Variants in PLCL1 observed in about 807,000 individuals in gnomAD.
The protein encoded by PLCL1 is phospholipase C like 1 (inactive).
In PLCL1, 41 loss-of-function variants were observed where a neutral mutation model predicts 84.4. The observed-to-expected ratio is 0.49, with a 90% confidence interval of 0.38 to 0.63. The LOEUF (loss-of-function observed/expected upper bound fraction) is 0.63. Ranked by LOEUF, PLCL1 falls within the 30% of genes least tolerant of loss-of-function variation. The probability of loss-of-function intolerance (pLI) is 0.00; values close to 1 mark genes in which losing one functional copy is unlikely to be tolerated. For synonymous variants in PLCL1, 490 were observed against 488.3 expected (o/e 1.00, Z -0.05); for missense variants, 1,206 against 1,367.8 (o/e 0.88, Z 1.87).
Position 198,132,838 on chromosome 2 carries a change from C to T in PLCL1, c.3106-13942C>T, listed in dbSNP as rs375034306. ...GCAGAAGCTCTTTAGTTTAATTAGA[C>T]CCCATTTGTCAATTTTGGCTTTTGT... On this transcript the variant is annotated intron_variant, in intron 5 of 5. Coordinates refer to ENST00000428675, the MANE Select transcript of PLCL1 (RefSeq NM_006226.4). Among the ~76,000 whole-genome samples, 357 of 151,872 alleles carry T rather than the reference C, an allele frequency of 2.4e-3. 6 individuals carry two copies. The South Asian group carries it at 0.044, about 19-fold the overall frequency.
At chr2:198,014,554 T>TC (rs1690946915) in intron 1 of PLCL1, among the ~76,000 whole-genome samples, 1 of 152,118 alleles carries the variant, frequency 6.6e-6, no homozygotes, top group Non-Finnish European at 1.5e-5. Context: ...ACCTTTTTTT[T>TC]CTTGTTAATT....
At chr2:197,934,561 G>A (rs1207354351) in intron 1 of PLCL1, among the ~76,000 whole-genome samples, 1 of 152,086 alleles carries the variant, frequency 6.6e-6, no homozygotes, top group Non-Finnish European at 1.5e-5. Flanking sequence ...TGAGGTATTT[G>A]CAGATAAGAG....
chr2:198,039,928 A>T (rs2105858003), intron 1 of PLCL1, among the ~76,000 whole-genome samples: 1 of 152,312 alleles, frequency 6.6e-6, no homozygotes, highest in Admixed American at 6.5e-5. Context: ...AGAACATGTT[A>T]TTTGCTAGAA....
chr2:197,962,475 G>A (rs1263112237), intron 1 of PLCL1, among the ~76,000 whole-genome samples: 7 of 152,056 alleles, frequency 4.6e-5, no homozygotes, highest in Admixed American at 3.9e-4. Flanking sequence ...TGGGTACACA[G>A]TAGGTATATA....
At chr2:198,010,677 G>A (rs1287016118) in intron 1 of PLCL1, among the ~76,000 whole-genome samples, 6 of 151,804 alleles carry the variant, frequency 4.0e-5, no homozygotes, top group African/African-American at 1.2e-4. Flanking sequence ...AATGAGTTTG[G>A]AATTGTTCTC....
At position 198,083,743 on chromosome 2, in the gene PLCL1, C is replaced by G. The variant is rs1315315948; in HGVS notation, c.241-15C>G. 1.3e-6 allele frequency: 2 copies of G among 1,528,140 alleles called. No homozygotes were observed. Among genetic ancestry groups the G allele is most frequent in the Non-Finnish European group, 1.8e-6 (2 of 1,134,740 alleles). 94.7% of individuals were successfully genotyped at this position (1,528,140 alleles called of 1,614,324 possible). On this transcript the variant is annotated splice_polypyrimidine_tract_variant and intron_variant, in intron 1 of 5. Transcript: ENST00000428675. ...CTAAAGGAAATTGATTCATTTTTTT[C>G]AAATTATTTTACAGGATCCTTCAAA...
intron 5 of PLCL1, among the ~76,000 whole-genome samples, chr2:198,138,168 G>T (rs1694302265): frequency 1.3e-5 from 2 of 152,090 alleles, no homozygotes; most frequent in African/African-American, 2.4e-5. Flanking sequence ...AAGAAAAGAG[G>T]TTTTTTTGTT....
At chr2:197,976,255 A>G (rs1047836407) in intron 1 of PLCL1, among the ~76,000 whole-genome samples, 2 of 151,984 alleles carry the variant, frequency 1.3e-5, no homozygotes, top group Non-Finnish European at 2.9e-5. Context: ...CCTGTGTACC[A>G]CACTTCTTCC....
At chr2:198,039,318 A>T (rs1031848464) in intron 1 of PLCL1, among the ~76,000 whole-genome samples, 8 of 152,152 alleles carry the variant, frequency 5.3e-5, no homozygotes, top group Non-Finnish European at 1.0e-4. Flanking sequence ...AGCAGCATGG[A>T]TTATACATTT....
chr2:198,114,795 A>ATGTGTGTGTGTG (rs397715153), intron 5 of PLCL1, among the ~76,000 whole-genome samples: 11 of 150,616 alleles, frequency 7.3e-5, no homozygotes, highest in East Asian at 3.9e-4. Context: ...ACTTCTCTGA[A>ATGTGTGTGTGTG]TGTGTGTGTG....
chr2:198,092,251 C>T (rs1277647155), intron 3 of PLCL1, among the ~76,000 whole-genome samples: 1 of 151,566 alleles, frequency 6.6e-6, no homozygotes, highest in Non-Finnish European at 1.5e-5. Flanking sequence ...ACCTGCCTCT[C>T]CAGCTTCACC....
At chr2:197,851,343 T>A (rs1687232314) in intron 1 of PLCL1, among the ~76,000 whole-genome samples, 1 of 152,228 alleles carries the variant, frequency 6.6e-6, no homozygotes, top group Non-Finnish European at 1.5e-5. Context: ...AAACAGTCAG[T>A]ACAGATGCAT....
At chr2:198,135,687 G>A (rs1162054798) in intron 5 of PLCL1, among the ~76,000 whole-genome samples, 1 of 152,180 alleles carries the variant, frequency 6.6e-6, no homozygotes, top group African/African-American at 2.4e-5. Context: ...TTTGCCCAAA[G>A]CAGACAGATG....
At chr2:197,814,482 C>T (rs1253275075) in intron 1 of PLCL1, among the ~76,000 whole-genome samples, 3 of 152,174 alleles carry the variant, frequency 2.0e-5, no homozygotes, top group Non-Finnish European at 4.4e-5. Context: ...GTCTTTCCCT[C>T]TCCTTGGGCC....
In PLCL1 at chr2:197,805,475, C is replaced by T. The variant is rs189460339; in HGVS notation, c.240+136C>T. On this transcript the variant is annotated intron_variant, in intron 1 of 5. Coordinates refer to ENST00000428675, the MANE Select transcript of PLCL1 (RefSeq NM_006226.4). This position sits in a 1 kb window ranked among gnomAD's most constrained non-coding sequence, Gnocchi z 4.0. ...CCACCTCCTTCAACGCCAAACCTTC[C>T]TTCCTTATCCGGAGGTTCCCAGACT... 733 of 839,804 alleles carry T rather than the reference C, an allele frequency of 8.7e-4. 4 individuals carry two copies. In the African/African-American group the frequency reaches 0.011, roughly 13 times the overall value. The allele number at this position is 839,804 out of a possible 1,614,324, so 52.0% of individuals were successfully genotyped here.
chr2:197,928,296 C>T (rs1031068329), intron 1 of PLCL1, among the ~76,000 whole-genome samples: 25 of 152,140 alleles, frequency 1.6e-4, no homozygotes, highest in Non-Finnish European at 2.1e-4. Flanking sequence ...CTCCTTGACT[C>T]TGTACTCAGT....
At chr2:198,117,056 CA>C (rs1693763276) in intron 5 of PLCL1, among the ~76,000 whole-genome samples, 1 of 151,878 alleles carries the variant, frequency 6.6e-6, no homozygotes, top group African/African-American at 2.4e-5. Context: ...AGCTACTCAG[CA>C]GCTGGCCTTA....
In PLCL1 at chr2:197,910,232, CTCT is replaced by C. The variant is rs1433808339; in HGVS notation, c.240+104898_240+104900del. 2.0e-5 allele frequency among the ~76,000 whole-genome samples: 3 copies of C among 152,198 alleles called. No homozygotes were observed. The East Asian group carries it at 5.8e-4, about 29-fold the overall frequency. On this transcript the variant is annotated intron_variant, in intron 1 of 5. Transcript: ENST00000428675. ...TTCATACTTCATTTCCCTGGTGGAT[CTCT>C]TCTTTCCTAGCTGCACGATTGATCA...
intron 1 of PLCL1, among the ~76,000 whole-genome samples, chr2:197,861,187 G>A (rs889998925): frequency 2.0e-5 from 3 of 152,162 alleles, no homozygotes; most frequent in Admixed American, 1.3e-4. Flanking sequence ...AACTGTTTAA[G>A]CCCTATTCCC....
Sources: allele counts gnomAD v4.1 joint callset (sites outside exome capture counted in the v4.1 genomes callset), GRCh38; gene constraint gnomAD v4.1.1; non-coding constraint Gnocchi (gnomAD v3.1); transcripts MANE v1.5; gene names NCBI Gene and HGNC (gene_info 2026-07-23, HGNC 2026-07-21).